The following RNGTT variants were observed in gnomAD, a reference collection of about 807,000 sequenced individuals.
RNGTT encodes the protein mRNA-capping enzyme.
In RNGTT, 33 loss-of-function variants were observed where a neutral mutation model predicts 79.3. The ratio of observed to expected loss-of-function variants is 0.42; its 90% confidence interval spans 0.32 to 0.56. RNGTT has a LOEUF of 0.56. Among genes scored for constraint, RNGTT ranks in the 20% least tolerant of loss-of-function variants. The pLI is 0.17. For missense variants in RNGTT, 497 were observed against 739.1 expected (o/e 0.67, Z 3.80); for synonymous variants, 222 against 235.9 (o/e 0.94, Z 0.54).
At chr6:88,898,633 A>G (rs1280610377) in intron 6 of RNGTT, among the ~76,000 whole-genome samples, 9 of 150,394 alleles carry the variant, frequency 6.0e-5, no homozygotes. Flanking sequence ...CTTAATTTTT[A>G]CAATATATAA....
chr6:88,750,095 C>T (rs543199287), intron 13 of RNGTT, among the ~76,000 whole-genome samples: 1 of 152,286 alleles, frequency 6.6e-6, no homozygotes, highest in East Asian at 1.9e-4. Flanking sequence ...TCTTAACTTA[C>T]ATCTTAATTA....
At chr6:88,793,850 T>G (rs969868926) in intron 12 of RNGTT, among the ~76,000 whole-genome samples, 7 of 152,200 alleles carry the variant, frequency 4.6e-5, no homozygotes, top group African/African-American at 1.4e-4. Context: ...AATACAGTCA[T>G]GTAATAGTCA....
intron 11 of RNGTT, among the ~76,000 whole-genome samples, chr6:88,819,978 G>C (rs980902785): frequency 1.3e-5 from 2 of 151,974 alleles, no homozygotes; most frequent in African/African-American, 4.8e-5. Flanking sequence ...TGCCTCTCTG[G>C]AACTACAATT....
chr6:88,639,700 G>T (rs968175447), intron 14 of RNGTT, among the ~76,000 whole-genome samples: 1 of 152,126 alleles, frequency 6.6e-6, no homozygotes, highest in African/African-American at 2.4e-5. Flanking sequence ...AAAATGCCTA[G>T]TACTTTGTAA....
At chr6:88,643,701 C>G (rs892485932) in intron 14 of RNGTT, among the ~76,000 whole-genome samples, 15 of 152,204 alleles carry the variant, frequency 9.9e-5, no homozygotes, top group Non-Finnish European at 1.3e-4. Context: ...AAGAAACTCA[C>G]TCAAAACTGC....
At chr6:88,697,699 A>C (rs907935609) in intron 13 of RNGTT, among the ~76,000 whole-genome samples, 2 of 151,206 alleles carry the variant, frequency 1.3e-5, no homozygotes, top group Non-Finnish European at 2.9e-5. Flanking sequence ...GTCTCTACTA[A>C]AAATACAAAA....
At chr6:88,760,985 AT>A (rs35887359) in intron 13 of RNGTT, among the ~76,000 whole-genome samples, 37 of 133,458 alleles carry the variant, frequency 2.8e-4, no homozygotes, top group Non-Finnish European at 2.4e-4. Flanking sequence ...AGCTCATTCT[AT>A]TTTTTTTTTT....
intron 13 of RNGTT, among the ~76,000 whole-genome samples, chr6:88,766,936 G>A (rs377595454): frequency 7.9e-5 from 12 of 151,936 alleles, no homozygotes; most frequent in African/African-American, 1.9e-4. Flanking sequence ...CTCCCCTTTC[G>A]AACTAGTATA....
At chr6:88,680,716 C>T (rs946980979) in intron 13 of RNGTT, among the ~76,000 whole-genome samples, 13 of 146,138 alleles carry the variant, frequency 8.9e-5, no homozygotes, top group African/African-American at 2.3e-4. Flanking sequence ...CACTCCAGCC[C>T]GGGCAAGAAG....
At chr6:88,722,496 G>A (rs1776740537) in intron 13 of RNGTT, among the ~76,000 whole-genome samples, 1 of 152,194 alleles carries the variant, frequency 6.6e-6, no homozygotes, top group African/African-American at 2.4e-5. Context: ...GAACAGCACA[G>A]ATCAGCGTAT....
intron 4 of RNGTT, among the ~76,000 whole-genome samples, chr6:88,913,329 G>T (rs1783897005): frequency 6.6e-6 from 1 of 150,388 alleles, no homozygotes; most frequent in Non-Finnish European, 1.5e-5. Flanking sequence ...CCCAAAAATT[G>T]AAGAGAAGGG....
chr6:88,714,548 T>C lies in RNGTT; in HGVS notation c.1440-36129A>G. The C allele has an allele frequency of 2.0e-5, 2 of 99,254 alleles. 1 individual carries two copies. The allele number at this position is 99,254 out of a possible 1,614,324, so 6.1% of individuals were successfully genotyped here. On this transcript the variant is annotated intron_variant, in intron 13 of 15. Transcript: ENST00000369485. ...AGCTCCGCCTCCCGGGTTCACGCCA[T>C]TCTCCTGCCTCAGCCTCCCAAGTAG...
intron 9 of RNGTT, among the ~76,000 whole-genome samples, chr6:88,853,211 A>T (rs912352006): frequency 1.3e-5 from 2 of 152,204 alleles, no homozygotes; most frequent in East Asian, 3.9e-4. Context: ...TAACATCCTA[A>T]TAAAAGTTAG....
intron 13 of RNGTT, among the ~76,000 whole-genome samples, chr6:88,715,756 TAGCCATATGTAAAA>T (rs1166686954): frequency 9.2e-5 from 14 of 152,188 alleles, no homozygotes; most frequent in Non-Finnish European, 1.8e-4. Flanking sequence ...AAAAACTGGC[TAGCCATATGTAAAA>T]AGCTGAAACT....
rs562264686 is a variant in RNGTT at position 88,879,291 on chromosome 6, G to A, written c.896+11204C>T. On this transcript the variant is annotated intron_variant, in intron 8 of 15. Transcript: ENST00000369485. ...CGCCTGTAGTCCCAGCTACTCAGGA[G>A]GCTGAGGCAGGAGAATCACTTGAAC... Among the ~76,000 whole-genome samples the A allele has an allele frequency of 1.6e-3, 239 of 152,290 alleles. 2 individuals are homozygous for A. Among genetic ancestry groups the A allele is most frequent in the African/African-American group, 5.5e-3 (227 of 41,552 alleles).
At chr6:88,813,359 C>T (rs1780206037) in intron 11 of RNGTT, among the ~76,000 whole-genome samples, 2 of 152,150 alleles carry the variant, frequency 1.3e-5, no homozygotes, top group South Asian at 4.1e-4. Flanking sequence ...CCTCTCCTTC[C>T]ACCAATAACC....
intron 8 of RNGTT, among the ~76,000 whole-genome samples, chr6:88,870,929 G>A (rs1281314631): frequency 2.0e-5 from 3 of 152,086 alleles, no homozygotes; most frequent in Admixed American, 6.6e-5. Context: ...GCCATCTAGC[G>A]AAGTCATAAG....
At chr6:88,683,974 C>T (rs112039043) in intron 13 of RNGTT, among the ~76,000 whole-genome samples, 8 of 151,932 alleles carry the variant, frequency 5.3e-5, no homozygotes, top group Non-Finnish European at 2.9e-5. Flanking sequence ...ATGAATGCAC[C>T]ACTGTACTCC....
In RNGTT at chr6:88,948,513, G is replaced by A. The variant is rs1271298375; in HGVS notation, c.65-7333C>T. The stretch of plus-strand genomic sequence containing the variant: ...GGGGGGGTCAGCCCCCCGCCCGGCC[G>A]GCCGCCCCGTCCGGGAGGTGAGGGG... On this transcript the variant is annotated intron_variant, in intron 1 of 15. Transcript: ENST00000369485. Among the ~76,000 whole-genome samples, 38 of 132,164 alleles carry A rather than the reference G, an allele frequency of 2.9e-4. No homozygotes were observed. In the East Asian group the frequency reaches 4.6e-3, roughly 16 times the overall value. The allele number at this position is 132,164 out of a possible 152,430, so 86.7% of individuals were successfully genotyped here. A position where few individuals can be genotyped will look rare whatever the true frequency, so the allele number is the denominator to read the frequency against.
Sources: gnomAD v4.1 joint callset for allele counts (sites outside exome capture counted in the v4.1 genomes callset) on GRCh38, gnomAD v4.1.1 for gene constraint, MANE v1.5 for transcripts, NCBI Gene and HGNC (gene_info 2026-07-23, HGNC 2026-07-21) for gene names.